NXN: variants seen among roughly 807,000 people sequenced by gnomAD.
NXN encodes the protein nucleoredoxin.
A neutral mutation model predicts 48.6 loss-of-function variants in NXN; 16 were observed. The observed-to-expected ratio is 0.33, with a 90% CI of 0.22 to 0.50. The LOEUF (loss-of-function observed/expected upper bound fraction) is 0.50, where lower values mean the gene tolerates loss of function less well. Among genes scored for constraint, NXN ranks in the 20% least tolerant of loss-of-function variants. The probability of loss-of-function intolerance (pLI) is 0.98; values close to 1 mark genes in which losing one functional copy is unlikely to be tolerated. For synonymous variants in NXN, 281 were observed against 269.6 expected, an observed-to-expected ratio of 1.04 and a Z score of -0.41; for missense variants, 492 against 605.5, an observed-to-expected ratio of 0.81 and a Z score of 1.97.
At chr17:874,815 A>G (rs536840340) in intron 1 of NXN, among the ~76,000 whole-genome samples, 1 of 152,380 alleles carries the variant, frequency 6.6e-6, no homozygotes, top group African/African-American at 2.4e-5. Context: ...AGCCTGGATC[A>G]CAAAGGCAGC....
chr17:882,375 T>A (rs2068293707), intron 1 of NXN, among the ~76,000 whole-genome samples: 1 of 152,172 alleles, frequency 6.6e-6, no homozygotes, highest in African/African-American at 2.4e-5. Context: ...TCATTTCTGC[T>A]CAGTCACTTC....
chr17:955,914 G>A (rs1377071930), intron 1 of NXN, among the ~76,000 whole-genome samples: 1 of 150,094 alleles, frequency 6.7e-6, no homozygotes, highest in African/African-American at 2.4e-5. Flanking sequence ...AAAAAAAAAA[G>A]AGAGAGAGAG....
At position 958,335 on chromosome 17, in the gene NXN, G is replaced by A. The variant is rs148469609; in HGVS notation, c.360+20984C>T. 1.2e-4 allele frequency among the ~76,000 whole-genome samples: 18 copies of A among 152,210 alleles called. No individual in the cohort carries two copies. Among genetic ancestry groups the A allele is most frequent in the South Asian group, 2.1e-4 (1 of 4,824 alleles). On this transcript the variant is annotated intron_variant, in intron 1 of 7. Coordinates refer to ENST00000336868, the MANE Select transcript of NXN (RefSeq NM_022463.5). The surrounding 1 kb of genome is among the most constrained non-coding windows in gnomAD (Gnocchi z 6.9). ...ACGTGCTGACTGGGGCTAACCCTACGCTAAAGCAAAGCCTTCAAAAACTGG... is the reference window on the plus strand; with the variant it reads ...ACGTGCTGACTGGGGCTAACCCTACACTAAAGCAAAGCCTTCAAAAACTGG...
In NXN at chr17:849,406, A is replaced by G. The variant is rs539439455; in HGVS notation, c.361-23328T>C. 1.7e-4 allele frequency among the ~76,000 whole-genome samples: 26 copies of G among 152,164 alleles called. No individual in the cohort carries two copies. Among genetic ancestry groups the G allele is most frequent in the Non-Finnish European group, 3.8e-4 (26 of 67,966 alleles). The stretch of plus-strand genomic sequence containing the variant: ...AAATTAGCTGGGCGTGGTGGCAGGT[A>G]CCTGTAATCCCAGCTACTCAGGAGG... On this transcript the variant is annotated intron_variant, in intron 1 of 7. Coordinates refer to ENST00000336868, the MANE Select transcript of NXN (RefSeq NM_022463.5). This position sits in a 1 kb window ranked among gnomAD's most constrained non-coding sequence, Gnocchi z 4.2.
At chr17:969,452 A>G (rs2069346110) in intron 1 of NXN, among the ~76,000 whole-genome samples, 1 of 152,208 alleles carries the variant, frequency 6.6e-6, no homozygotes, top group South Asian at 2.1e-4. Flanking sequence ...TCACGGGTAA[A>G]AACAATTTTT....
chr17:859,771 C>T (rs2068023548), intron 1 of NXN, among the ~76,000 whole-genome samples: 1 of 152,218 alleles, frequency 6.6e-6, no homozygotes, highest in Admixed American at 6.5e-5. Flanking sequence ...AAAGGCCTGG[C>T]CCTCAGGCCG....
intron 1 of NXN, among the ~76,000 whole-genome samples, chr17:863,500 C>T (rs572905060): frequency 6.6e-6 from 1 of 151,856 alleles, no homozygotes; most frequent in Non-Finnish European, 1.5e-5. Flanking sequence ...TCGCTCTGTC[C>T]CCCAGGCTGG....
At chr17:863,368 C>T (rs1270693206) in intron 1 of NXN, among the ~76,000 whole-genome samples, 2 of 152,050 alleles carry the variant, frequency 1.3e-5, no homozygotes, top group South Asian at 2.1e-4. Context: ...GGGGTTTCAC[C>T]GTGTGAGCCA....
chr17:872,930 T>C (rs2068175008), intron 1 of NXN, among the ~76,000 whole-genome samples: 1 of 152,094 alleles, frequency 6.6e-6, no homozygotes, highest in Admixed American at 6.5e-5. Flanking sequence ...AGATCAACAT[T>C]TGAATCAGCA....
At chr17:822,571 C>T (rs1367943004) in intron 3 of NXN, 114 bp from the exon 4 acceptor site, 4 of 697,834 alleles carry the variant, frequency 5.7e-6, no homozygotes, top group East Asian at 5.5e-5. Flanking sequence ...AGCAAAATCC[C>T]GTTCATGAAA....
At chr17:952,977 A>G (rs1247127544) in intron 1 of NXN, among the ~76,000 whole-genome samples, 1 of 152,130 alleles carries the variant, frequency 6.6e-6, no homozygotes, top group African/African-American at 2.4e-5. Flanking sequence ...AAGCAGTAAC[A>G]AGGTGGTCCT....
At chr17:900,734 C>A (rs957098192) in intron 1 of NXN, among the ~76,000 whole-genome samples, 3 of 151,652 alleles carry the variant, frequency 2.0e-5, no homozygotes, top group African/African-American at 7.3e-5. Context: ...ACAGAGAAGA[C>A]GGCCAAAAAA....
chr17:950,813 A>T (rs577341062), intron 1 of NXN, among the ~76,000 whole-genome samples: 1 of 152,014 alleles, frequency 6.6e-6, no homozygotes, highest in Non-Finnish European at 1.5e-5. Flanking sequence ...CAGGGGAAAG[A>T]GTCGGACGAA....
At chr17:833,550 G>A (rs973824959) in intron 1 of NXN, among the ~76,000 whole-genome samples, 5 of 152,124 alleles carry the variant, frequency 3.3e-5, no homozygotes, top group Non-Finnish European at 7.3e-5. Flanking sequence ...TGAAAACAGC[G>A]GTTTCATAGT....
At chr17:858,653 T>C (rs1240114299) in intron 1 of NXN, among the ~76,000 whole-genome samples, 2 of 150,636 alleles carry the variant, frequency 1.3e-5, no homozygotes, top group Non-Finnish European at 3.0e-5. Flanking sequence ...TGTGTGAACC[T>C]GGGAGGCGGA....
rs527779829 is a variant in NXN at position 824,892 on chromosome 17, C to G, written c.478+1069G>C. Among the ~76,000 whole-genome samples the G allele has an allele frequency of 2.6e-5, 4 of 152,290 alleles. No individual in the cohort carries two copies. The East Asian group carries it at 7.7e-4, about 29-fold the overall frequency. On this transcript the variant is annotated intron_variant, in intron 2 of 7. Transcript: ENST00000336868. ...TGAAAATGCAGGTGGTCGGGCCTCC[C>G]CGGAAACAAGAGGGATCCACAATGC...
chr17:862,869 C>T lies in NXN; in HGVS notation c.361-36791G>A, dbSNP rs142931265. Among the ~76,000 whole-genome samples the T allele has an allele frequency of 1.6e-3, 242 of 152,318 alleles. 2 individuals carry two copies. Among genetic ancestry groups the T allele is most frequent in the Non-Finnish European group, 2.8e-3 (188 of 68,028 alleles). On this transcript the variant is annotated intron_variant, in intron 1 of 7. Coordinates refer to ENST00000336868, the MANE Select transcript of NXN (RefSeq NM_022463.5). ...CAAATTCAGACTCTGGAAAATTCTGCAAGACAACAGACCTATGCTCTAAAC... is the reference window on the plus strand; with the variant it reads ...CAAATTCAGACTCTGGAAAATTCTGTAAGACAACAGACCTATGCTCTAAAC...
At chr17:819,167 G>A (rs374392974) in intron 5 of NXN, 66 of 438,274 alleles carry the variant, frequency 1.5e-4, no homozygotes, top group East Asian at 3.4e-4. Context: ...AACTGGTCTC[G>A]AACTCCTGAG....
chr17:822,531 G>T, intron 3 of NXN, 74 bp from the exon 4 acceptor site: 2 of 1,102,004 alleles, frequency 1.8e-6, no homozygotes, highest in East Asian at 2.4e-5. Flanking sequence ...ATCCAAGGCC[G>T]GGTTAGCAGG....
Sources: allele counts gnomAD v4.1 joint callset (sites outside exome capture counted in the v4.1 genomes callset), GRCh38; gene constraint gnomAD v4.1.1; non-coding constraint Gnocchi (gnomAD v3.1); transcripts MANE v1.5; gene names NCBI Gene and HGNC (gene_info 2026-07-23, HGNC 2026-07-21).